FRAS1: variants seen among roughly 807,000 people sequenced by gnomAD.
The protein encoded by FRAS1 is Fraser extracellular matrix complex subunit 1, also known as extracellular matrix organizing protein FRAS1.
Under a neutral mutation model 435.2 loss-of-function variants are expected in FRAS1, and 290 were observed. The ratio of observed to expected loss-of-function variants is 0.67; its 90% CI spans 0.61 to 0.73. The LOEUF (loss-of-function observed/expected upper bound fraction) is 0.73. FRAS1 is among the 30% of genes least tolerant of loss of function. The pLI is 0.00. For missense variants in FRAS1, 4,860 were observed against 5,001.5 expected (o/e 0.97, Z 0.85); for synonymous variants, 1,800 against 1,851.0 (o/e 0.97, Z 0.71).
chr4:78,438,519 T>G (rs1479790217), intron 38 of FRAS1, 51 bp from the exon 39 acceptor site: 22 of 1,603,128 alleles, frequency 1.4e-5, no homozygotes, highest in Middle Eastern at 3.3e-4. Flanking sequence ...ACTGGAAGTG[T>G]TTATTCCTGC....
chr4:78,099,628 A>G (rs1369283561), intron 2 of FRAS1, among the ~76,000 whole-genome samples: 3 of 152,204 alleles, frequency 2.0e-5, no homozygotes, highest in Non-Finnish European at 4.4e-5. Context: ...ATCCTGTGAG[A>G]AAACCCTGGC....
chr4:78,179,686 G>A (rs968286796), intron 2 of FRAS1, among the ~76,000 whole-genome samples: 3 of 152,148 alleles, frequency 2.0e-5, no homozygotes, highest in Non-Finnish European at 2.9e-5. Context: ...TCTGGAGGTG[G>A]AATAAAACCA....
At chr4:78,166,827 G>A (rs1578162929) in intron 2 of FRAS1, among the ~76,000 whole-genome samples, 4 of 152,094 alleles carry the variant, frequency 2.6e-5, no homozygotes, top group Non-Finnish European at 5.9e-5. Context: ...TCTCTGGCTT[G>A]TTCCAGTAAA....
intron 14 of FRAS1, among the ~76,000 whole-genome samples, chr4:78,299,250 C>T (rs1728279363): frequency 6.6e-6 from 1 of 152,128 alleles, no homozygotes; most frequent in Non-Finnish European, 1.5e-5. Context: ...GCCTGAATGC[C>T]ATCCCTAAGT....
intron 1 of FRAS1, among the ~76,000 whole-genome samples, chr4:78,064,542 T>C (rs1034771081): frequency 6.6e-6 from 1 of 151,948 alleles, no homozygotes; most frequent in Non-Finnish European, 1.5e-5. Flanking sequence ...TGCCTTGTAC[T>C]TAGCTAATGT....
chr4:78,444,284 C>CCTG, intron 41 of FRAS1: 1 of 321,996 alleles, frequency 3.1e-6, no homozygotes, highest in Admixed American at 3.9e-5. Context: ...ACTGTATAGC[C>CCTG]TAATGATTAT....
chr4:78,303,725 A>T (rs1471422722), intron 14 of FRAS1, among the ~76,000 whole-genome samples: 5 of 149,872 alleles, frequency 3.3e-5, no homozygotes, highest in African/African-American at 5.1e-5. Flanking sequence ...GACTTTGCTG[A>T]AGTTGCTTAT....
chr4:78,276,498 G>T (rs145975001), intron 9 of FRAS1, among the ~76,000 whole-genome samples: 3,748 of 152,264 alleles, frequency 0.025, 157 homozygotes, highest in African/African-American at 0.084. Flanking sequence ...GTTTTGGTGT[G>T]GATGTCCTTT....
intron 2 of FRAS1, among the ~76,000 whole-genome samples, chr4:78,217,143 G>A (rs1723802380): frequency 6.6e-6 from 1 of 152,146 alleles, no homozygotes; most frequent in African/African-American, 2.4e-5. Context: ...GAAGCTGGAT[G>A]TCCCAGCTGA....
At position 78,513,546 on chromosome 4, in the gene FRAS1, A is replaced by G; in HGVS notation, c.10168A>G (p.Ile3390Val). The change falls in exon 65 of 74, where the codon ATC becomes GTC. Residue 3390 changes from isoleucine to valine, a missense_variant. Coordinates refer to ENST00000512123, the MANE Select transcript of FRAS1 (RefSeq NM_025074.7). ...AGTTACCACCTATGACCTGAGAGGC[A>G]TCTCAGGTGAGATTGACAAGTTCAG... ...NLVTTYDLRGISEAGFLDDVV... is the reference protein window; with the variant it reads ...NLVTTYDLRGVSEAGFLDDVV... The G allele has an allele frequency of 7.4e-6, 12 of 1,612,636 alleles. No homozygotes were observed. The highest frequency in any genetic ancestry group is 9.3e-6 in the Non-Finnish European group (11 of 1,178,988).
In FRAS1 at chr4:78,197,665, G is replaced by C. The variant is rs149313249; in HGVS notation, c.109-39845G>C. The stretch of plus-strand genomic sequence containing the variant: ...TGAGCGTAAAGAGTGGACTGGGCTG[G>C]GAGTGGTGGCTCATGCCTGTAATCC... On this transcript the variant is annotated intron_variant, in intron 2 of 73. Coordinates refer to ENST00000512123, the MANE Select transcript of FRAS1 (RefSeq NM_025074.7). 4.2e-3 allele frequency among the ~76,000 whole-genome samples: 643 copies of C among 152,248 alleles called. 6 individuals are homozygous for C. The highest frequency in any genetic ancestry group is 0.015 in the African/African-American group (625 of 41,540).
intron 51 of FRAS1, among the ~76,000 whole-genome samples, chr4:78,470,481 C>T (rs1719667173): frequency 6.6e-6 from 1 of 152,182 alleles, no homozygotes; most frequent in Non-Finnish European, 1.5e-5. Context: ...CCTGGCCAAA[C>T]TTCTTCAGAA....
At chr4:78,085,509 C>A (rs996918592) in intron 2 of FRAS1, among the ~76,000 whole-genome samples, 1 of 152,096 alleles carries the variant, frequency 6.6e-6, no homozygotes, top group Non-Finnish European at 1.5e-5. Flanking sequence ...GATGACAGAG[C>A]TGTAGGCAGC....
intron 28 of FRAS1, 65 bp downstream of exon 28, chr4:78,384,208 G>A: frequency 1.8e-6 from 2 of 1,100,504 alleles, no homozygotes; most frequent in Non-Finnish European, 1.3e-6. Context: ...ACGAAATCTA[G>A]GTTTCCTGTG....
At chr4:78,257,032 A>C (rs10027981) in intron 6 of FRAS1, among the ~76,000 whole-genome samples, 51,420 of 151,890 alleles carry the variant, frequency 0.34, 9,060 homozygotes, top group South Asian at 0.59. Flanking sequence ...CACCACCATC[A>C]CTACCACCAT....
Position 78,438,480 on chromosome 4 carries a change from G to T in FRAS1, c.5218-90G>T. 3 of 1,259,352 alleles carry T rather than the reference G, an allele frequency of 2.4e-6. No individual in the cohort carries two copies. In the South Asian group the frequency reaches 4.1e-5, roughly 17 times the overall value. 78.0% of individuals were successfully genotyped at this position (1,259,352 alleles called of 1,614,324 possible). A position where few individuals can be genotyped will look rare whatever the true frequency, so the allele number is the denominator to read the frequency against. On this transcript the variant is annotated intron_variant, in intron 38 of 73. Transcript: ENST00000512123. ...GAGAAAGAGACTTTTCCAATTAGCA[G>T]AGAGAGAAGCACCCATAGATCTTTA...
At chr4:78,113,163 T>A (rs1389722868) in intron 2 of FRAS1, among the ~76,000 whole-genome samples, 2 of 152,252 alleles carry the variant, frequency 1.3e-5, no homozygotes, top group Non-Finnish European at 2.9e-5. Flanking sequence ...GAACTCATCA[T>A]TTTTTATGGC....
At chr4:78,463,337 T>A (rs1364008561) in intron 47 of FRAS1, among the ~76,000 whole-genome samples, 1 of 152,164 alleles carries the variant, frequency 6.6e-6, no homozygotes, top group East Asian at 1.9e-4. Context: ...GAAAAAATGA[T>A]TTTTTCTCTA....
At chr4:78,299,621 C>G (rs1294378872) in intron 14 of FRAS1, among the ~76,000 whole-genome samples, 1 of 152,164 alleles carries the variant, frequency 6.6e-6, no homozygotes, top group African/African-American at 2.4e-5. Flanking sequence ...TGATTTCATC[C>G]CCTACAGATG....
Sources: gnomAD v4.1 joint callset for allele counts (sites outside exome capture counted in the v4.1 genomes callset) on GRCh38, gnomAD v4.1.1 for gene constraint, MANE v1.5 for transcripts, NCBI Gene and HGNC (gene_info 2026-07-23, HGNC 2026-07-21) for gene names.